Variants in LDB2 observed in about 807,000 individuals in gnomAD.
LDB2 encodes LIM domain binding 2.
In LDB2, 12 loss-of-function variants were observed where a neutral mutation model predicts 44.3. The ratio of observed to expected loss-of-function variants is 0.27; its 90% CI spans 0.17 to 0.44. The LOEUF (loss-of-function observed/expected upper bound fraction) is 0.44, where lower values mean the gene tolerates loss of function less well. LDB2 is among the 20% of genes least tolerant of loss of function. LDB2 has a pLI of 1.00. For missense variants in LDB2, 344 were observed against 473.5 expected, an observed-to-expected ratio of 0.73 and a Z score of 2.54; for synonymous variants, 164 against 174.8, an observed-to-expected ratio of 0.94 and a Z score of 0.49.
chr4:16,612,454 C>A (rs1327911789), intron 2 of LDB2, among the ~76,000 whole-genome samples: 3 of 151,948 alleles, frequency 2.0e-5, no homozygotes, highest in Admixed American at 6.6e-5. Flanking sequence ...ATTAACAAAA[C>A]AGATTGACCA....
At chr4:16,724,178 T>C (rs921027246) in intron 2 of LDB2, among the ~76,000 whole-genome samples, 1 of 152,138 alleles carries the variant, frequency 6.6e-6, no homozygotes, top group Admixed American at 6.5e-5. Context: ...CACATTAGTT[T>C]AACAACCCAA....
intron 2 of LDB2, among the ~76,000 whole-genome samples, chr4:16,702,015 A>T (rs1753555894): frequency 6.6e-6 from 1 of 152,214 alleles, no homozygotes; most frequent in Non-Finnish European, 1.5e-5. Context: ...ATTACTATGA[A>T]TGCCTTTCCT....
chr4:16,649,553 T>C (rs1402400874), intron 2 of LDB2, among the ~76,000 whole-genome samples: 1 of 152,202 alleles, frequency 6.6e-6, no homozygotes, highest in African/African-American at 2.4e-5. Context: ...TACATATGCA[T>C]TAAGACATAC....
At chr4:16,544,223 G>A (rs1734900898) in intron 5 of LDB2, among the ~76,000 whole-genome samples, 1 of 152,200 alleles carries the variant, frequency 6.6e-6, no homozygotes, top group East Asian at 1.9e-4. Flanking sequence ...CGGGAGAGGA[G>A]AGAACCCTAT....
intron 1 of LDB2, among the ~76,000 whole-genome samples, chr4:16,870,627 C>CTTTATTTA (rs113417723): frequency 0.058 from 8,765 of 150,660 alleles, 708 homozygotes; most frequent in East Asian, 0.37. Context: ...CTTGCATTCT[C>CTTTATTTA]TTTATTTATT....
At chr4:16,539,593 G>A (rs1225692652) in intron 5 of LDB2, among the ~76,000 whole-genome samples, 1 of 152,138 alleles carries the variant, frequency 6.6e-6, no homozygotes, top group Non-Finnish European at 1.5e-5. Context: ...ATCCCATGAA[G>A]CAGGCAAGGC....
intron 1 of LDB2, among the ~76,000 whole-genome samples, chr4:16,767,985 CTT>C (rs1444584132): frequency 6.6e-6 from 1 of 152,172 alleles, no homozygotes; most frequent in Non-Finnish European, 1.5e-5. Context: ...CCCTATCCCT[CTT>C]CACCAAAAAC....
intron 5 of LDB2, among the ~76,000 whole-genome samples, chr4:16,551,431 T>A (rs534706420): frequency 6.6e-6 from 1 of 152,250 alleles, no homozygotes; most frequent in Non-Finnish European, 1.5e-5. Context: ...TTCTTTAGTA[T>A]GTAACCAAAT....
rs531917388 is a variant in LDB2 at position 16,767,010 on chromosome 4, C to T, written c.133-7750G>A. Among the ~76,000 whole-genome samples, 210 of 152,284 alleles carry T rather than the reference C, an allele frequency of 1.4e-3. 3 individuals are homozygous for T. The highest frequency in any genetic ancestry group is 4.8e-3 in the African/African-American group (200 of 41,556). On this transcript the variant is annotated intron_variant, in intron 1 of 7. Transcript: ENST00000304523. Reference sequence around the variant, plus strand: ...GTAAGAATTTCTCTCAGGCACATGCCTAAAGTGGATATGCCTAGACATAGG... The same window carrying T: ...GTAAGAATTTCTCTCAGGCACATGCTTAAAGTGGATATGCCTAGACATAGG...
chr4:16,758,944 G>A (rs533600477), intron 2 of LDB2, among the ~76,000 whole-genome samples: 1 of 152,044 alleles, frequency 6.6e-6, no homozygotes, highest in Non-Finnish European at 1.5e-5. Context: ...CTCTAAACAG[G>A]CAAATACCCA....
At chr4:16,877,851 C>T (rs1411624595) in intron 1 of LDB2, among the ~76,000 whole-genome samples, 1 of 152,060 alleles carries the variant, frequency 6.6e-6, no homozygotes, top group Non-Finnish European at 1.5e-5. Flanking sequence ...ACTATAATGC[C>T]ATATTTAAAG....
intron 4 of LDB2, 23 bp from the exon 5 acceptor site, chr4:16,586,028 A>G (rs751405072): frequency 1.3e-6 from 2 of 1,582,964 alleles, no homozygotes; most frequent in Non-Finnish European, 1.7e-6. Context: ...AAAACCCCAC[A>G]TGTATTTTAT....
In LDB2 at chr4:16,898,499, C is replaced by T. The variant is rs761301295; in HGVS notation, c.-14G>A. On this transcript the variant is annotated 5_prime_UTR_variant, in exon 1 of 8. Transcript: ENST00000304523. ...TGTGCTGGACATCTTGCCTGCTTTT[C>T]GAAAATCAAGCTAAACAGAGTATCA... 2 of 1,612,626 alleles carry T rather than the reference C, an allele frequency of 1.2e-6. No individual in the cohort carries two copies. The highest frequency in any genetic ancestry group is 1.1e-5 in the South Asian group (1 of 90,950).
Position 16,655,896 on chromosome 4 carries a change from CT to C in LDB2, c.236-60022del, listed in dbSNP as rs747097456. Reference sequence around the variant, plus strand: ...AAACGTTGGTTGTTCTGCAAGAAAACTTTTTTTTTTTTTTTTTTTTTGAGAT... The same window carrying C: ...AAACGTTGGTTGTTCTGCAAGAAAACTTTTTTTTTTTTTTTTTTTTGAGAT... On this transcript the variant is annotated intron_variant, in intron 2 of 7. Coordinates refer to ENST00000304523, the MANE Select transcript of LDB2 (RefSeq NM_001290.5). 2.7e-3 allele frequency among the ~76,000 whole-genome samples: 252 copies of C among 93,292 alleles called. 3 individuals are homozygous for C. The highest frequency in any genetic ancestry group is 0.013 in the South Asian group (33 of 2,582). 61.2% of individuals were successfully genotyped at this position (93,292 alleles called of 152,430 possible). A position where few individuals can be genotyped will look rare whatever the true frequency, so the allele number is the denominator to read the frequency against.
chr4:16,766,363 A>ATCCAATTTAT (rs1366110834), intron 1 of LDB2, among the ~76,000 whole-genome samples: 1 of 151,454 alleles, frequency 6.6e-6, no homozygotes, highest in Admixed American at 6.6e-5. Context: ...TTGAAGACCT[A>ATCCAATTTAT]TCCAATTTAT....
At chr4:16,596,968 C>T (rs897753832) in intron 2 of LDB2, among the ~76,000 whole-genome samples, 18 of 152,188 alleles carry the variant, frequency 1.2e-4, no homozygotes, top group African/African-American at 4.1e-4. Context: ...AAATCTCTTA[C>T]ATTCACTATA....
chr4:16,726,917 C>T (rs774046413), intron 2 of LDB2, among the ~76,000 whole-genome samples: 13 of 152,040 alleles, frequency 8.6e-5, no homozygotes, highest in East Asian at 1.9e-4. Flanking sequence ...AAATCTGAAA[C>T]GCAAAAAATT....
chr4:16,893,404 C>T (rs1446535136), intron 1 of LDB2, among the ~76,000 whole-genome samples: 2 of 152,072 alleles, frequency 1.3e-5, no homozygotes, highest in African/African-American at 4.8e-5. Context: ...TCCATCTGAA[C>T]ATCAATGATA....
At chr4:16,879,992 A>G (rs1185178608) in intron 1 of LDB2, among the ~76,000 whole-genome samples, 2 of 152,114 alleles carry the variant, frequency 1.3e-5, no homozygotes, top group Non-Finnish European at 2.9e-5. Context: ...TCAGCCAACC[A>G]CATCCTATTC....
Sources: allele counts gnomAD v4.1 joint callset (sites outside exome capture counted in the v4.1 genomes callset), GRCh38; gene constraint gnomAD v4.1.1; transcripts MANE v1.5; gene names NCBI Gene and HGNC (gene_info 2026-07-23, HGNC 2026-07-21).